The following PRKCB variants were observed in gnomAD, a reference collection of about 807,000 sequenced individuals.
The protein encoded by PRKCB is protein kinase C beta.
Under a neutral mutation model 81.5 loss-of-function variants are expected in PRKCB, and 13 were observed. That is an observed-to-expected ratio of 0.16 (90% CI 0.10 to 0.25). PRKCB has a LOEUF of 0.25. PRKCB is among the 10% of genes least tolerant of loss of function. PRKCB has a pLI of 1.00. For synonymous variants in PRKCB, 335 were observed against 321.4 expected (o/e 1.04, Z -0.45); for missense variants, 509 against 875.7 (o/e 0.58, Z 5.29).
intron 16 of PRKCB, among the ~76,000 whole-genome samples, chr16:24,196,790 G>A (rs900522161): frequency 6.6e-6 from 1 of 152,230 alleles, no homozygotes; most frequent in African/African-American, 2.4e-5. Flanking sequence ...AGGCCTGTGA[G>A]TTGATTGGCA....
At chr16:24,193,892 T>C (rs549055189) in intron 16 of PRKCB, among the ~76,000 whole-genome samples, 29 of 152,284 alleles carry the variant, frequency 1.9e-4, no homozygotes, top group Admixed American at 1.8e-3. Context: ...TTCATGGTAT[T>C]TGGGGCTAGA....
At chr16:24,141,661 G>A (rs1268874767) in intron 9 of PRKCB, among the ~76,000 whole-genome samples, 1 of 152,212 alleles carries the variant, frequency 6.6e-6, no homozygotes, top group African/African-American at 2.4e-5. Context: ...GGAAACCAGG[G>A]TACATAGTTC....
chr16:24,034,864 C>T (rs1965593873), intron 4 of PRKCB, among the ~76,000 whole-genome samples: 1 of 152,186 alleles, frequency 6.6e-6, no homozygotes, highest in Non-Finnish European at 1.5e-5. Flanking sequence ...ACGTGGCAAA[C>T]GAACTTCTCC....
intron 3 of PRKCB, among the ~76,000 whole-genome samples, chr16:24,003,787 G>A (rs992909197): frequency 6.6e-6 from 1 of 152,162 alleles, no homozygotes; most frequent in African/African-American, 2.4e-5. Flanking sequence ...GGATCCCATG[G>A]CATCCCTTTC....
At chr16:23,857,670 T>C (rs1331451993) in intron 2 of PRKCB, among the ~76,000 whole-genome samples, 1 of 151,646 alleles carries the variant, frequency 6.6e-6, no homozygotes, top group Non-Finnish European at 1.5e-5. Context: ...AAAAATGAAA[T>C]CCGGGCTAGG....
In PRKCB at chr16:23,999,062, C is replaced by G. The variant is rs180986925; in HGVS notation, c.288+10472C>G. Among the ~76,000 whole-genome samples, 156 of 152,346 alleles carry G rather than the reference C, an allele frequency of 1.0e-3. 1 individual carries two copies. Among genetic ancestry groups the G allele is most frequent in the African/African-American group, 3.6e-3 (151 of 41,584 alleles). On this transcript the variant is annotated intron_variant, in intron 3 of 16. Coordinates refer to ENST00000643927, the MANE Select transcript of PRKCB (RefSeq NM_002738.7). The stretch of plus-strand genomic sequence containing the variant: ...AAGGATGATGAATTGGTCCAGACAC[C>G]TGAACTGGCTTGACTCAGTTCATTG...
chr16:24,029,407 C>T (rs1353067843), intron 3 of PRKCB, among the ~76,000 whole-genome samples: 1 of 152,186 alleles, frequency 6.6e-6, no homozygotes, highest in African/African-American at 2.4e-5. Context: ...GCATGTCCCC[C>T]TTTGCTCGGC....
At chr16:24,057,805 C>A (rs562959803) in intron 5 of PRKCB, among the ~76,000 whole-genome samples, 2 of 152,190 alleles carry the variant, frequency 1.3e-5, no homozygotes, top group African/African-American at 4.8e-5. Context: ...TCGGTGGGCG[C>A]TTTGTCTATT....
At chr16:24,036,825 T>C (rs1199113757) in intron 5 of PRKCB, among the ~76,000 whole-genome samples, 1 of 152,140 alleles carries the variant, frequency 6.6e-6, no homozygotes, top group East Asian at 1.9e-4. Context: ...TTCCCGATGC[T>C]GGTGAGACAA....
intron 2 of PRKCB, among the ~76,000 whole-genome samples, chr16:23,847,779 A>G (rs891873174): frequency 1.6e-4 from 24 of 152,240 alleles, no homozygotes; most frequent in African/African-American, 5.5e-4. Flanking sequence ...AGGTTGCCAT[A>G]TGGGCTTTGA....
intron 2 of PRKCB, among the ~76,000 whole-genome samples, chr16:23,967,887 A>G (rs1964508293): frequency 6.6e-6 from 1 of 152,214 alleles, no homozygotes; most frequent in Admixed American, 6.5e-5. Context: ...TCCTGACCTC[A>G]AGTGAGGTCC....
At chr16:24,167,558 A>G (rs886868946) in intron 10 of PRKCB, among the ~76,000 whole-genome samples, 2 of 151,662 alleles carry the variant, frequency 1.3e-5, no homozygotes, top group East Asian at 3.9e-4. Context: ...AGACCCTGCC[A>G]CAGAAAAAAA....
chr16:23,936,405 A>G (rs370001443), intron 2 of PRKCB, among the ~76,000 whole-genome samples: 4 of 152,002 alleles, frequency 2.6e-5, no homozygotes, highest in African/African-American at 9.7e-5. Context: ...ACTACTTTTT[A>G]AAATAGATGT....
At chr16:23,962,991 T>C (rs945251861) in intron 2 of PRKCB, 7 of 152,238 alleles carry the variant, frequency 4.6e-5, no homozygotes, top group African/African-American at 1.7e-4. Context: ...TGAGAATATA[T>C]GGTATTTGGT....
intron 5 of PRKCB, among the ~76,000 whole-genome samples, chr16:24,056,525 G>A (rs991137672): frequency 5.3e-5 from 8 of 152,314 alleles, no homozygotes; most frequent in Admixed American, 6.5e-5. Context: ...TGTGATCCTC[G>A]GTGTTGGAGG....
intron 3 of PRKCB, among the ~76,000 whole-genome samples, chr16:24,011,462 A>G (rs1251667630): frequency 2.6e-5 from 4 of 152,068 alleles, no homozygotes; most frequent in Non-Finnish European, 4.4e-5. Context: ...CTGGGCTCCA[A>G]TCTTGGCTCT....
intron 11 of PRKCB, among the ~76,000 whole-genome samples, chr16:24,172,593 C>T (rs1967460130): frequency 1.3e-5 from 2 of 152,076 alleles, no homozygotes; most frequent in African/African-American, 2.4e-5. Context: ...TACCTGTAAT[C>T]TCAGTGTTTT....
At chr16:24,140,194 G>A (rs547402517) in intron 9 of PRKCB, among the ~76,000 whole-genome samples, 17 of 152,266 alleles carry the variant, frequency 1.1e-4, no homozygotes, top group African/African-American at 2.9e-4. Context: ...CATTTCATCC[G>A]AAGTCTGACG....
intron 7 of PRKCB, among the ~76,000 whole-genome samples, chr16:24,096,666 A>AAAAAATATATATAT (rs1406204037): frequency 4.6e-4 from 15 of 32,690 alleles, no homozygotes; most frequent in Non-Finnish European, 7.9e-4. Context: ...AAAAAAAAAA[A>AAAAAATATATATAT]ATATATATAT....
Sources: gnomAD v4.1 joint callset for allele counts (sites outside exome capture counted in the v4.1 genomes callset) on GRCh38, gnomAD v4.1.1 for gene constraint, MANE v1.5 for transcripts, NCBI Gene and HGNC (gene_info 2026-07-23, HGNC 2026-07-21) for gene names.